PIK3C3: variants seen among roughly 807,000 people sequenced by gnomAD.
PIK3C3 encodes PI3-kinase type 3.
A neutral mutation model predicts 126.1 loss-of-function variants in PIK3C3; 95 were observed. The ratio of observed to expected loss-of-function variants is 0.75; its 90% CI spans 0.64 to 0.89. The LOEUF is 0.89. Ranked by LOEUF, PIK3C3 falls within the 40% of genes least tolerant of loss-of-function variation. The probability of loss-of-function intolerance (pLI) is 0.00; values close to 1 mark genes in which losing one functional copy is unlikely to be tolerated. For synonymous variants in PIK3C3, 374 were observed against 360.0 expected, an observed-to-expected ratio of 1.04 and a Z score of -0.44; for missense variants, 829 against 1,063.2, an observed-to-expected ratio of 0.78 and a Z score of 3.06.
At chr18:42,040,571 A>T in intron 18 of PIK3C3, 106 bp from the exon 19 acceptor site, 1 of 745,318 alleles carries the variant, frequency 1.3e-6, no homozygotes, top group Admixed American at 2.4e-5. Flanking sequence ...AGTTGTTCAG[A>T]TATGGAATGC....
intron 9 of PIK3C3, among the ~76,000 whole-genome samples, 180 bp downstream of exon 9, chr18:41,996,910 A>T (rs530957888): frequency 2.6e-5 from 4 of 152,128 alleles, no homozygotes; most frequent in Admixed American, 2.0e-4. Context: ...AGACACCTGT[A>T]CCTGTTTGTT....
chr18:42,025,515 T>G (rs1188985554), intron 13 of PIK3C3: 3 of 152,272 alleles, frequency 2.0e-5, no homozygotes. Flanking sequence ...TTCAAACATT[T>G]GTTTCCTGCC....
chr18:41,983,858 ATGT>A (rs1237474807), intron 4 of PIK3C3, among the ~76,000 whole-genome samples: 1 of 151,970 alleles, frequency 6.6e-6, no homozygotes, highest in Non-Finnish European at 1.5e-5. Context: ...TTTCCCAGGC[ATGT>A]TGTTATTTGG....
At chr18:42,053,375 A>G (rs929793230) in intron 21 of PIK3C3, among the ~76,000 whole-genome samples, 1 of 152,172 alleles carries the variant, frequency 6.6e-6, no homozygotes, top group Non-Finnish European at 1.5e-5. Flanking sequence ...CTTGCACAGC[A>G]GAGGGCGCTG....
chr18:41,999,245 G>C (rs1046312443), intron 9 of PIK3C3, among the ~76,000 whole-genome samples: 1 of 152,024 alleles, frequency 6.6e-6, no homozygotes, highest in Non-Finnish European at 1.5e-5. Flanking sequence ...CATTTCTGTG[G>C]AACCTGAAAT....
Position 42,020,642 on chromosome 18 carries a change from A to C in PIK3C3, c.1421A>C (p.Asp474Ala). Residue 474 changes from aspartate to alanine, a missense_variant, in exon 13 of 25, where the codon GAT becomes GCT. Coordinates refer to ENST00000262039, the MANE Select transcript of PIK3C3 (RefSeq NM_002647.4). ...CATTTCTTTTAATTCTTTCAGCAAG[A>C]TCTCTGTACCTTCTTGATATCGAGA... ...EVPDGENLEQ[D>A]LCTFLISRAC... 1 of 1,594,214 alleles carries C rather than the reference A, an allele frequency of 6.3e-7. No individual in the cohort carries two copies. Among genetic ancestry groups the C allele is most frequent in the Non-Finnish European group, 8.6e-7 (1 of 1,165,126 alleles).
intron 4 of PIK3C3, among the ~76,000 whole-genome samples, chr18:41,979,223 T>A (rs566163179): frequency 6.6e-6 from 1 of 152,280 alleles, no homozygotes; most frequent in East Asian, 1.9e-4. Context: ...TCTAGACTGT[T>A]TCCACATGTG....
intron 24 of PIK3C3, among the ~76,000 whole-genome samples, chr18:42,068,389 T>G (rs1475787208): frequency 2.0e-5 from 3 of 152,208 alleles, no homozygotes; most frequent in African/African-American, 4.8e-5. Flanking sequence ...TTTTGTTGTC[T>G]TTCATCATAG....
intron 9 of PIK3C3, among the ~76,000 whole-genome samples, chr18:42,001,463 TA>T (rs1982286280): frequency 6.6e-6 from 1 of 152,200 alleles, no homozygotes; most frequent in Admixed American, 6.6e-5. Context: ...CAATTCTCTT[TA>T]CATTTTTACA....
intron 9 of PIK3C3, among the ~76,000 whole-genome samples, chr18:41,998,460 A>G (rs941921248): frequency 2.6e-5 from 4 of 152,178 alleles, no homozygotes; most frequent in African/African-American, 9.6e-5. Flanking sequence ...TAAAAAGCAT[A>G]CAGGAGTAGA....
At chr18:42,052,186 TGGG>T (rs1177612142) in intron 21 of PIK3C3, among the ~76,000 whole-genome samples, 9 of 152,042 alleles carry the variant, frequency 5.9e-5, no homozygotes, top group Non-Finnish European at 1.0e-4. Flanking sequence ...TGTGTTTTGA[TGGG>T]GGTATTTAAG....
chr18:42,027,960 T>A (rs1284533951), intron 14 of PIK3C3, among the ~76,000 whole-genome samples: 1 of 152,100 alleles, frequency 6.6e-6, no homozygotes, highest in African/African-American at 2.4e-5. Flanking sequence ...CTGGCCTGGT[T>A]TAGCGGTTGA....
intron 16 of PIK3C3, among the ~76,000 whole-genome samples, chr18:42,037,428 C>T (rs1358779988): frequency 6.6e-6 from 1 of 152,124 alleles, no homozygotes; most frequent in Non-Finnish European, 1.5e-5. Flanking sequence ...GACTGTCCAG[C>T]GAGTACCTGG....
intron 16 of PIK3C3, among the ~76,000 whole-genome samples, chr18:42,036,635 A>AT (rs139934356): frequency 0.037 from 5,481 of 148,500 alleles, 310 homozygotes; most frequent in African/African-American, 0.12. Flanking sequence ...TAATTTCTTT[A>AT]TTTTTTTTTT....
rs1485565446 is a variant in PIK3C3 at position 42,076,149 on chromosome 18, T to TATATATATATATGCAC, written c.2650-4947_2650-4932dup. Among the ~76,000 whole-genome samples the TATATATATATATGCAC allele has an allele frequency of 6.8e-5, 6 of 88,626 alleles. No individual in the cohort carries two copies. The East Asian group carries it at 1.3e-3, about 19-fold the overall frequency. 58.1% of individuals were successfully genotyped at this position (88,626 alleles called of 152,430 possible). A position where few individuals can be genotyped will look rare whatever the true frequency, so the allele number is the denominator to read the frequency against. On this transcript the variant is annotated intron_variant, in intron 24 of 24. Coordinates refer to ENST00000262039, the MANE Select transcript of PIK3C3 (RefSeq NM_002647.4). ...GCATATATATATATATATATGCGCA[T>TATATATATATATGCAC]ATATATATATATGCACATATATATA...
intron 6 of PIK3C3, among the ~76,000 whole-genome samples, chr18:41,992,953 T>C (rs951429041): frequency 6.6e-6 from 1 of 152,122 alleles, no homozygotes; most frequent in Non-Finnish European, 1.5e-5. Flanking sequence ...AGCACGTTTT[T>C]AAAAATCCAC....
intron 3 of PIK3C3, 115 bp from the exon 4 acceptor site, chr18:41,970,212 G>A (rs1012239393): frequency 6.1e-6 from 5 of 819,906 alleles, no homozygotes; most frequent in South Asian, 1.7e-5. Context: ...TTAAAGCTTG[G>A]CAGTGGAGAT....
intron 7 of PIK3C3, 33 bp downstream of exon 7, chr18:41,993,374 C>G: frequency 1.4e-6 from 2 of 1,408,864 alleles, no homozygotes; most frequent in Non-Finnish European, 2.0e-6. Context: ...TATGAAAGTA[C>G]TTTTCTTCAG....
chr18:42,041,027 C>CA (rs569205227), intron 19 of PIK3C3, among the ~76,000 whole-genome samples: 25 of 152,054 alleles, frequency 1.6e-4, no homozygotes, highest in Admixed American at 1.4e-3. Context: ...GCTAAACTCA[C>CA]AAAAATCAGC....
Sources: allele counts gnomAD v4.1 joint callset (sites outside exome capture counted in the v4.1 genomes callset), GRCh38; gene constraint gnomAD v4.1.1; transcripts MANE v1.5; gene names NCBI Gene and HGNC (gene_info 2026-07-23, HGNC 2026-07-21).